Variants in CCDC102B observed in about 807,000 individuals in gnomAD.
The protein encoded by CCDC102B is coiled-coil domain containing 102B.
A neutral mutation model predicts 57.4 loss-of-function variants in CCDC102B; 75 were observed. The ratio of observed to expected loss-of-function variants is 1.31; its 90% CI spans 1.08 to 1.58. The LOEUF is 1.58. CCDC102B is among the 40% of genes most tolerant of loss of function. The pLI is 0.00. For missense variants in CCDC102B, 636 were observed against 582.6 expected (o/e 1.09, Z -0.94); for synonymous variants, 206 against 201.9 (o/e 1.02, Z -0.17).
chr18:68,940,823 T>G (rs1042680383), intron 6 of CCDC102B, among the ~76,000 whole-genome samples: 1 of 151,874 alleles, frequency 6.6e-6, no homozygotes, highest in African/African-American at 2.4e-5. Context: ...CAAATCAGTT[T>G]TGTGGCATAT....
At chr18:69,046,192 G>A (rs567009459) in intron 7 of CCDC102B, among the ~76,000 whole-genome samples, 1 of 152,036 alleles carries the variant, frequency 6.6e-6, no homozygotes, top group Non-Finnish European at 1.5e-5. Context: ...TCCCAGAATG[G>A]CTGAACTAAT....
chr18:68,886,342 T>C (rs764151392), intron 5 of CCDC102B, among the ~76,000 whole-genome samples: 1 of 152,008 alleles, frequency 6.6e-6, no homozygotes, highest in Non-Finnish European at 1.5e-5. Flanking sequence ...TGATGATTTA[T>C]AAATTATATA....
Position 68,902,349 on chromosome 18 carries a change from G to A in CCDC102B, c.1263+4921G>A, listed in dbSNP as rs544593373. Reference sequence around the variant, plus strand: ...ATGTTCCTGTAAGTTAAGCAAACAAGTAACTTAAATGCATGTGCACATTTA... The same window carrying A: ...ATGTTCCTGTAAGTTAAGCAAACAAATAACTTAAATGCATGTGCACATTTA... On this transcript the variant is annotated intron_variant, in intron 6 of 7. Transcript: ENST00000360242. The A allele has an allele frequency of 2.0e-5, 3 of 152,260 alleles. No individual in the cohort carries two copies. In the East Asian group the frequency reaches 5.8e-4, roughly 29 times the overall value. The allele number at this position is 152,260 out of a possible 1,614,324, so 9.4% of individuals were successfully genotyped here.
intron 6 of CCDC102B, among the ~76,000 whole-genome samples, chr18:68,983,590 A>G (rs578180623): frequency 1.3e-5 from 2 of 151,938 alleles, no homozygotes; most frequent in African/African-American, 4.8e-5. Flanking sequence ...ACAATCCCCT[A>G]TGTTCATTCA....
intron 6 of CCDC102B, among the ~76,000 whole-genome samples, chr18:68,948,061 A>G (rs565798299): frequency 5.7e-4 from 86 of 152,206 alleles, no homozygotes; most frequent in African/African-American, 1.9e-3. Context: ...TGCTTTTGCA[A>G]TATATATACT....
At chr18:68,881,267 A>T (rs2039684436) in intron 5 of CCDC102B, among the ~76,000 whole-genome samples, 1 of 152,238 alleles carries the variant, frequency 6.6e-6, no homozygotes, top group African/African-American at 2.4e-5. Context: ...AGATGCATAA[A>T]GATCTATTAA....
At chr18:68,931,205 A>C (rs990892117) in intron 6 of CCDC102B, among the ~76,000 whole-genome samples, 1 of 151,874 alleles carries the variant, frequency 6.6e-6, no homozygotes. Context: ...TGTTTGTTTT[A>C]TATAATGAAG....
At chr18:68,886,521 A>G (rs2039891261) in intron 5 of CCDC102B, among the ~76,000 whole-genome samples, 1 of 152,164 alleles carries the variant, frequency 6.6e-6, no homozygotes, top group Non-Finnish European at 1.5e-5. Context: ...CCTTAAGTAG[A>G]AACCTAAATT....
upstream of CCDC102B, among the ~76,000 whole-genome samples, chr18:68,795,814 C>T (rs1036872068): frequency 6.6e-6 from 1 of 152,094 alleles, no homozygotes; most frequent in Admixed American, 6.6e-5. Flanking sequence ...ATTCAACTCA[C>T]CAAATATGTG....
intron 5 of CCDC102B, among the ~76,000 whole-genome samples, chr18:68,880,089 G>C (rs2039624211): frequency 6.6e-6 from 1 of 152,296 alleles, no homozygotes; most frequent in Non-Finnish European, 1.5e-5. Flanking sequence ...GGAGCCCATG[G>C]AGGGGGTGGA....
At chr18:68,738,597 T>C (rs1336040830) in intron 2 of CCDC102B, among the ~76,000 whole-genome samples, 1 of 152,204 alleles carries the variant, frequency 6.6e-6, no homozygotes, top group Admixed American at 6.5e-5. Flanking sequence ...GTTGGACCCA[T>C]GCATCTCTGC....
chr18:68,837,536 A>C, intron 2 of CCDC102B, among the ~76,000 whole-genome samples, 167 bp downstream of exon 2: 1 of 152,168 alleles, frequency 6.6e-6, no homozygotes, highest in East Asian at 1.9e-4. Flanking sequence ...ATTTTCTTAC[A>C]ATTGTAGAAG....
chr18:68,867,004 G>T (rs1358436300), intron 4 of CCDC102B: 3 of 320,894 alleles, frequency 9.3e-6, no homozygotes, highest in Non-Finnish European at 6.1e-6. Context: ...CTGTGTTGTG[G>T]TCTGTAGGGC....
chr18:68,772,663 A>G (rs2034679945), intron 2 of CCDC102B, among the ~76,000 whole-genome samples: 1 of 152,182 alleles, frequency 6.6e-6, no homozygotes, highest in Non-Finnish European at 1.5e-5. Context: ...AATTATTTAA[A>G]TTGATAAAAT....
chr18:68,792,040 A>G (rs926733820), intron 2 of CCDC102B, among the ~76,000 whole-genome samples: 2 of 152,162 alleles, frequency 1.3e-5, no homozygotes, highest in African/African-American at 4.8e-5. Flanking sequence ...ATCTGGTCCA[A>G]AGGTCCACAG....
At chr18:68,872,573 A>G (rs894999961) in intron 4 of CCDC102B, among the ~76,000 whole-genome samples, 2 of 151,962 alleles carry the variant, frequency 1.3e-5, no homozygotes, top group African/African-American at 2.4e-5. Flanking sequence ...TCTCTTTTAT[A>G]TCTTACATTG....
intron 2 of CCDC102B, among the ~76,000 whole-genome samples, chr18:68,781,102 TAAC>T (rs1568246492): frequency 6.6e-6 from 1 of 152,082 alleles, no homozygotes; most frequent in East Asian, 1.9e-4. Context: ...TTGTTGTTAG[TAAC>T]AACATCATGA....
intron 5 of CCDC102B, among the ~76,000 whole-genome samples, chr18:68,892,282 C>T (rs1406766676): frequency 6.6e-6 from 1 of 152,160 alleles, no homozygotes; most frequent in Non-Finnish European, 1.5e-5. Context: ...TTCTAATCTC[C>T]TTTATTACAT....
intron 2 of CCDC102B, among the ~76,000 whole-genome samples, chr18:68,769,309 A>T (rs2034563567): frequency 6.6e-6 from 1 of 151,968 alleles, no homozygotes. Context: ...ATAAGCACAG[A>T]AGGGGATGAA....
Sources: allele counts gnomAD v4.1 joint callset (sites outside exome capture counted in the v4.1 genomes callset), GRCh38; gene constraint gnomAD v4.1.1; transcripts MANE v1.5; gene names NCBI Gene and HGNC (gene_info 2026-07-23, HGNC 2026-07-21).